The following SGCD variants were observed in gnomAD, a reference collection of about 807,000 sequenced individuals.
SGCD encodes sarcoglycan delta, also known as delta-sarcoglycan.
SGCD carries 18 observed loss-of-function variants against 36.6 expected under a neutral mutation model. That is an observed-to-expected ratio of 0.49 (90% CI 0.34 to 0.73). SGCD has a LOEUF of 0.73. SGCD is among the 30% of genes least tolerant of loss of function. The probability of loss-of-function intolerance (pLI) is 0.01; values close to 1 mark genes in which losing one functional copy is unlikely to be tolerated. For missense variants in SGCD, 387 were observed against 346.7 expected, an observed-to-expected ratio of 1.12 and a Z score of -0.92; for synonymous variants, 133 against 130.6, an observed-to-expected ratio of 1.02 and a Z score of -0.12.
intron 1 of SGCD, among the ~76,000 whole-genome samples, chr5:156,038,943 G>T (rs1759567733): frequency 6.6e-6 from 1 of 152,040 alleles, no homozygotes; most frequent in South Asian, 2.1e-4. Flanking sequence ...TGCTCAGTTT[G>T]GCCTCTGACC....
At chr5:156,614,666 C>T (rs537467383) in intron 6 of SGCD, among the ~76,000 whole-genome samples, 3 of 152,196 alleles carry the variant, frequency 2.0e-5, no homozygotes, top group Admixed American at 6.5e-5. Flanking sequence ...TACAGATGTC[C>T]TACATATGGT....
intron 1 of SGCD, among the ~76,000 whole-genome samples, chr5:155,936,308 C>T (rs1757198673): frequency 6.6e-6 from 1 of 152,174 alleles, no homozygotes; most frequent in Admixed American, 6.5e-5. Flanking sequence ...GGAGGGTGAG[C>T]AAGGCGGAGA....
chr5:156,072,928 C>G (rs924880600), intron 1 of SGCD, among the ~76,000 whole-genome samples: 5 of 152,190 alleles, frequency 3.3e-5, no homozygotes, highest in African/African-American at 4.8e-5. Context: ...CGCATCGGCT[C>G]CTGAGGCTTC....
chr5:156,491,785 C>G (rs1388011671), intron 3 of SGCD, among the ~76,000 whole-genome samples: 1 of 152,086 alleles, frequency 6.6e-6, no homozygotes, highest in Non-Finnish European at 1.5e-5. Context: ...AAGCAGTTAT[C>G]TTATTAGTAC....
chr5:155,899,665 A>AC (rs1329640792), intron 1 of SGCD, among the ~76,000 whole-genome samples: 6 of 151,888 alleles, frequency 4.0e-5, no homozygotes, highest in Non-Finnish European at 8.8e-5. Context: ...TGTTTAGACC[A>AC]CCCCCCACCC....
At chr5:156,530,120 G>T (rs1372660088) in intron 4 of SGCD, among the ~76,000 whole-genome samples, 1 of 152,096 alleles carries the variant, frequency 6.6e-6, no homozygotes, top group Non-Finnish European at 1.5e-5. Context: ...TCTCAACCTC[G>T]TAAGCCACAG....
Position 156,327,209 on chromosome 5 carries a change from C to T in SGCD, c.-67C>T, listed in dbSNP as rs1767851666. 1 of 152,336 alleles carries T rather than the reference C, an allele frequency of 6.6e-6. No individual in the cohort carries two copies. Among genetic ancestry groups the T allele is most frequent in the African/African-American group, 2.4e-5 (1 of 41,450 alleles). The allele number at this position is 152,336 out of a possible 1,614,324, so 9.4% of individuals were successfully genotyped here. On this transcript the variant is annotated 5_prime_UTR_variant, in exon 1 of 9. Coordinates refer to ENST00000337851, the MANE Select transcript of SGCD (RefSeq NM_000337.6). ...GGGATCGCGGGCGGTTTTCATCGGC[C>T]GGTTTGTGAAACGGACAAGAGAGGT...
chr5:156,688,665 C>G (rs1292079229), intron 7 of SGCD, among the ~76,000 whole-genome samples: 3 of 152,168 alleles, frequency 2.0e-5, no homozygotes, highest in Non-Finnish European at 4.4e-5. Flanking sequence ...GCCTCTTTGT[C>G]ATGGTAGAGT....
At chr5:155,774,174 G>T in the SGCD span, among the ~76,000 whole-genome samples, 24 of 152,034 alleles carry the variant, frequency 1.6e-4, no homozygotes, top group Admixed American at 9.2e-4. Flanking sequence ...AAAATCTTGG[G>T]TCACTTCAGG....
chr5:155,759,861 G>A, the SGCD span, among the ~76,000 whole-genome samples: 32 of 152,086 alleles, frequency 2.1e-4, no homozygotes, highest in Non-Finnish European at 3.8e-4. Context: ...AAATTCATTA[G>A]GTTGAACAGC....
At chr5:156,289,761 C>T (rs1431182983) in intron 3 of SGCD, among the ~76,000 whole-genome samples, 2 of 151,974 alleles carry the variant, frequency 1.3e-5, no homozygotes, top group Admixed American at 6.6e-5. Flanking sequence ...TCAAGCAATC[C>T]GCCCGTCCTA....
At chr5:156,046,483 A>C (rs1759767986) in intron 1 of SGCD, among the ~76,000 whole-genome samples, 1 of 152,104 alleles carries the variant, frequency 6.6e-6, no homozygotes. Context: ...TTTTTCCAAA[A>C]GTGTGTGCTC....
At chr5:156,145,616 C>T (rs2127612573) in intron 3 of SGCD, among the ~76,000 whole-genome samples, 1 of 151,780 alleles carries the variant, frequency 6.6e-6, no homozygotes, top group African/African-American at 2.4e-5. Flanking sequence ...TGAAAGCCTC[C>T]CAAAAAAGTT....
intron 3 of SGCD, among the ~76,000 whole-genome samples, chr5:156,159,799 A>G (rs1314292462): frequency 2.0e-5 from 3 of 151,648 alleles, no homozygotes; most frequent in Admixed American, 1.3e-4. Flanking sequence ...TTTTTATTTA[A>G]TATATTGTAA....
At chr5:156,451,704 GT>G (rs1415390006) in intron 3 of SGCD, among the ~76,000 whole-genome samples, 1 of 152,102 alleles carries the variant, frequency 6.6e-6, no homozygotes, top group African/African-American at 2.4e-5. Context: ...GAACTGCTGA[GT>G]TTGCTAAATA....
At chr5:156,338,133 G>A (rs767883592) in intron 2 of SGCD, among the ~76,000 whole-genome samples, 6 of 150,136 alleles carry the variant, frequency 4.0e-5, no homozygotes, top group South Asian at 2.1e-4. Flanking sequence ...AAACTTGATG[G>A]CATTGATGTG....
intron 4 of SGCD, among the ~76,000 whole-genome samples, chr5:156,577,928 C>T (rs987435222): frequency 1.3e-5 from 2 of 152,110 alleles, no homozygotes; most frequent in Non-Finnish European, 2.9e-5. Flanking sequence ...TCCTGATTGC[C>T]CTGGCCAGAA....
At chr5:156,219,896 C>T (rs967747367) in intron 3 of SGCD, among the ~76,000 whole-genome samples, 10 of 152,174 alleles carry the variant, frequency 6.6e-5, no homozygotes, top group African/African-American at 2.4e-4. Flanking sequence ...AATACCAGGA[C>T]AGCTGCTGCA....
At chr5:156,501,993 T>C (rs1756474895) in intron 3 of SGCD, among the ~76,000 whole-genome samples, 1 of 152,184 alleles carries the variant, frequency 6.6e-6, no homozygotes, top group Non-Finnish European at 1.5e-5. Context: ...ATATTGTCTG[T>C]TTTTCTAATT....
Sources: allele counts gnomAD v4.1 joint callset (sites outside exome capture counted in the v4.1 genomes callset), GRCh38; gene constraint gnomAD v4.1.1; transcripts MANE v1.5; gene names NCBI Gene and HGNC (gene_info 2026-07-23, HGNC 2026-07-21).